Variants in TRMT1L observed in about 807,000 individuals in gnomAD.
TRMT1L encodes tRNA methyltransferase 1L.
A neutral mutation model predicts 81.6 loss-of-function variants in TRMT1L; 28 were observed. The ratio of observed to expected loss-of-function variants is 0.34; its 90% CI spans 0.25 to 0.47. The LOEUF (loss-of-function observed/expected upper bound fraction) is 0.47, where lower values mean the gene tolerates loss of function less well. Ranked by LOEUF, TRMT1L falls within the 20% of genes least tolerant of loss-of-function variation. TRMT1L has a pLI of 1.00. For synonymous variants in TRMT1L, 301 were observed against 303.2 expected, an observed-to-expected ratio of 0.99 and a Z score of 0.07; for missense variants, 739 against 877.1, an observed-to-expected ratio of 0.84 and a Z score of 1.99.
At chr1:185,138,449 T>C (rs940887805) in intron 9 of TRMT1L, among the ~76,000 whole-genome samples, 2 of 152,174 alleles carry the variant, frequency 1.3e-5, no homozygotes, top group African/African-American at 4.8e-5. Context: ...TGAAGGTCTA[T>C]GAAGTCTAAT....
At chr1:185,148,511 A>G (rs1653247448) in intron 3 of TRMT1L, among the ~76,000 whole-genome samples, 1 of 152,220 alleles carries the variant, frequency 6.6e-6, no homozygotes, top group African/African-American at 2.4e-5. Flanking sequence ...ACTGAGACAA[A>G]AACTATCATA....
chr1:185,149,235 G>C (rs1233357732), intron 3 of TRMT1L, among the ~76,000 whole-genome samples: 1 of 149,974 alleles, frequency 6.7e-6, no homozygotes, highest in Non-Finnish European at 1.5e-5. Flanking sequence ...CCAAGTTTTT[G>C]TTACTAAGTA....
chr1:185,127,496 C>T (rs564528530), intron 11 of TRMT1L, among the ~76,000 whole-genome samples: 2 of 152,078 alleles, frequency 1.3e-5, no homozygotes, highest in South Asian at 2.1e-4. Flanking sequence ...GTAGCTCACA[C>T]CTGTAATCCC....
At chr1:185,152,875 T>G (rs1653402047) in intron 1 of TRMT1L, among the ~76,000 whole-genome samples, 1 of 152,194 alleles carries the variant, frequency 6.6e-6, no homozygotes, top group African/African-American at 2.4e-5. Context: ...GGTACAGTAT[T>G]CCAGCAATAA....
chr1:185,142,184 A>G (rs1653067779), intron 7 of TRMT1L, among the ~76,000 whole-genome samples: 1 of 152,160 alleles, frequency 6.6e-6, no homozygotes, highest in African/African-American at 2.4e-5. Flanking sequence ...AGATGGTACT[A>G]ATGCTGATCA....
intron 3 of TRMT1L, among the ~76,000 whole-genome samples, chr1:185,148,982 A>G (rs1177242967): frequency 6.6e-6 from 1 of 152,228 alleles, no homozygotes; most frequent in African/African-American, 2.4e-5. Context: ...ATAATCATAT[A>G]CAAATATAAA....
intron 10 of TRMT1L, among the ~76,000 whole-genome samples, chr1:185,136,987 C>T (rs1265213852): frequency 1.3e-5 from 2 of 149,820 alleles, no homozygotes; most frequent in African/African-American, 5.0e-5. Flanking sequence ...ACTTCTGCAA[C>T]ACAGATTAAA....
intron 2 of TRMT1L, 134 bp from the exon 3 acceptor site, chr1:185,150,626 A>G (rs1653317816): frequency 1.5e-6 from 1 of 673,852 alleles, no homozygotes; most frequent in African/African-American, 1.8e-5. Context: ...AGAAGTCATT[A>G]TTCTTGACCC....
rs1183255357 is a variant in TRMT1L, at chr1:185,151,894, T to C, written c.277A>G (p.Asn93Asp). ...TTTCCATCAGTTACAAAAGCTAAATTCTCTAGATCAGCAAGCTGCCTTTGA... is the reference window on the plus strand; with the variant it reads ...TTTCCATCAGTTACAAAAGCTAAATCCTCTAGATCAGCAAGCTGCCTTTGA... ...SIQRQLADLE[N>D]LAFVTDGNFD... The change falls in exon 2 of 15, where the codon AAT becomes GAT. Residue 93 changes from asparagine (N) to aspartate (D), a missense_variant. Physicochemically the swap from Asn to Asp is conservative, Grantham distance 23 (BLOSUM62 1). This residue lies in a region of TRMT1L where 209 missense variants were observed against 165.4 expected (regional missense o/e 1.26). Coordinates refer to ENST00000367506, the MANE Select transcript of TRMT1L (RefSeq NM_030934.5). 6.2e-7 allele frequency: 1 copy of C among 1,604,760 alleles called. No individual in the cohort carries two copies. Among genetic ancestry groups the C allele is most frequent in the Non-Finnish European group, 8.5e-7 (1 of 1,176,576 alleles).
Position 185,124,959 on chromosome 1 carries a change from T to C in TRMT1L, c.1744A>G (p.Asn582Asp), listed in dbSNP as rs374771924. 1.1e-5 allele frequency: 18 copies of C among 1,610,718 alleles called. No homozygotes were observed. Among genetic ancestry groups the C allele is most frequent in the South Asian group, 3.3e-5 (3 of 90,354 alleles). ...AGTTAGTCACCTTGCTTGTTGACATTTGAAGATGCATGAATTGAAAACTGA... is the reference window on the plus strand; with the variant it reads ...AGTTAGTCACCTTGCTTGTTGACATCTGAAGATGCATGAATTGAAAACTGA... The part of the protein sequence containing the change: ...QSQFSIHASS[N>D]VNKQEENGVF... The change falls in exon 12 of 15, where the codon AAT (asparagine) becomes GAT (aspartate). Residue 582 changes from asparagine (N) to aspartate (D), a missense_variant. Transcript: ENST00000367506.
intron 1 of TRMT1L, among the ~76,000 whole-genome samples, chr1:185,155,810 A>G (rs1276272378): frequency 6.6e-6 from 1 of 152,206 alleles, no homozygotes; most frequent in East Asian, 1.9e-4. Context: ...GAAGCACAAT[A>G]ATATGGGCCA....
intron 10 of TRMT1L, among the ~76,000 whole-genome samples, chr1:185,134,317 G>C (rs923066701): frequency 6.6e-6 from 1 of 152,010 alleles, no homozygotes; most frequent in Non-Finnish European, 1.5e-5. Flanking sequence ...TCAGCCTCCT[G>C]AGTAGCTGGG....
upstream of TRMT1L, chr1:185,157,427 G>C (rs1653690477): frequency 6.6e-6 from 1 of 152,270 alleles, no homozygotes; most frequent in Non-Finnish European, 1.5e-5. Flanking sequence ...GGAGTCACAC[G>C]GACCTGGGCG....
chr1:185,142,446 G>T (rs1431401041), intron 7 of TRMT1L, among the ~76,000 whole-genome samples: 1 of 152,106 alleles, frequency 6.6e-6, no homozygotes, highest in Non-Finnish European at 1.5e-5. Flanking sequence ...GAAGGACCTG[G>T]ATTGGGTACG....
chr1:185,157,484 G>T (rs917802096), upstream of TRMT1L: 1 of 152,666 alleles, frequency 6.6e-6, no homozygotes, highest in Non-Finnish European at 1.5e-5. Flanking sequence ...TCCGTGGAGG[G>T]TGTGGTTCTG....
intron 1 of TRMT1L, among the ~76,000 whole-genome samples, chr1:185,154,159 A>G (rs899972948): frequency 6.6e-6 from 1 of 152,146 alleles, no homozygotes; most frequent in Non-Finnish European, 1.5e-5. Flanking sequence ...ACTATCAGAC[A>G]CTCCTGCTCA....
chr1:185,118,540 G>GA lies in TRMT1L; in HGVS notation c.*1478dup, dbSNP rs895723868. ...CCTGGATTTATAGTAATTTTTAATT[G>GA]AAAAAAACCTCATTTATTCTGCTCA... is the stretch of plus-strand genomic sequence containing the variant. On this transcript the variant is annotated 3_prime_UTR_variant, in exon 15 of 15. Transcript: ENST00000367506. 1.3e-5 allele frequency: 2 copies of GA among 151,748 alleles called. No individual in the cohort carries two copies. Among genetic ancestry groups the GA allele is most frequent in the African/African-American group, 4.8e-5 (2 of 41,332 alleles). The allele number at this position is 151,748 out of a possible 1,614,324, so 9.4% of individuals were successfully genotyped here.
chr1:185,139,770 C>T (rs571028065), intron 8 of TRMT1L, among the ~76,000 whole-genome samples, 191 bp from the exon 9 acceptor site: 12 of 152,208 alleles, frequency 7.9e-5, no homozygotes, highest in African/African-American at 2.6e-4. Context: ...AAAATAAATT[C>T]GGGTTAGAGG....
rs551751281 is a variant in TRMT1L, at chr1:185,150,904, A to C, written c.347-412T>G. 3.9e-5 allele frequency among the ~76,000 whole-genome samples: 6 copies of C among 152,348 alleles called. No individual in the cohort carries two copies. In the South Asian group the frequency reaches 1.2e-3, roughly 32 times the overall value. ...AAAGTATGTGCTGTGGTATTCCTCT[A>C]CTAAACTGGCAACAACAAAAACAGT... On this transcript the variant is annotated intron_variant, in intron 2 of 14. Transcript: ENST00000367506.
Sources: gnomAD v4.1 joint callset for allele counts (sites outside exome capture counted in the v4.1 genomes callset) on GRCh38, gnomAD v4.1.1 for gene constraint, gnomAD v4.1.1 regional missense constraint, MANE v1.5 for transcripts, NCBI Gene and HGNC (gene_info 2026-07-23, HGNC 2026-07-21) for gene names.